The following TTC6 variants were observed in gnomAD, a reference collection of about 807,000 sequenced individuals.
TTC6 encodes the protein tetratricopeptide repeat protein 6.
TTC6 carries 172 observed loss-of-function variants against 210.4 expected under a neutral mutation model. The observed-to-expected ratio is 0.82, with a 90% CI of 0.72 to 0.93. TTC6 has a LOEUF of 0.93. Ranked by LOEUF, TTC6 falls within the 40% of genes least tolerant of loss-of-function variation. The pLI is 0.00. For synonymous variants in TTC6, 804 were observed against 819.6 expected (o/e 0.98, Z 0.32); for missense variants, 2,414 against 2,318.1 (o/e 1.04, Z -0.85).
chr14:37,679,685 T>A (rs931534362), intron 1 of TTC6, among the ~76,000 whole-genome samples: 14 of 151,610 alleles, frequency 9.2e-5, no homozygotes, highest in Non-Finnish European at 1.9e-4. Flanking sequence ...GCAAAAAAAA[T>A]TTATATTTAT....
intron 3 of TTC6, 114 bp downstream of exon 5, chr14:37,683,078 G>C: frequency 1.2e-6 from 1 of 864,834 alleles, no homozygotes; most frequent in Non-Finnish European, 1.8e-6. Context: ...CGGGGGTGAT[G>C]GTGTGTTCAC....
intron 4 of TTC6, among the ~76,000 whole-genome samples, chr14:37,697,932 C>G (rs2095817835): frequency 6.6e-6 from 1 of 151,748 alleles, no homozygotes; most frequent in Non-Finnish European, 1.5e-5. Flanking sequence ...TTTTTTATGT[C>G]TTAGTGTTTC....
chr14:37,827,852 C>T (rs1229802203), intron 29 of TTC6: 1 of 153,158 alleles, frequency 6.5e-6, no homozygotes, highest in African/African-American at 2.4e-5. Context: ...GGGGGCTTGC[C>T]AACCCTCTGT....
At chr14:37,738,216 G>GCTGATT (rs1487309978) in intron 9 of TTC6, among the ~76,000 whole-genome samples, 2 of 150,304 alleles carry the variant, frequency 1.3e-5, no homozygotes, top group Non-Finnish European at 3.0e-5. Context: ...TAAAAATTAA[G>GCTGATT]CTGATTCTCT....
At chr14:37,831,643 T>G (rs1425274020) in intron 29 of TTC6, among the ~76,000 whole-genome samples, 1 of 152,130 alleles carries the variant, frequency 6.6e-6, no homozygotes, top group Non-Finnish European at 1.5e-5. Context: ...AATAGCCATT[T>G]TAACTGAGGT....
chr14:37,658,445 TG>T (rs1161746536), intron 1 of TTC6, among the ~76,000 whole-genome samples: 13 of 152,282 alleles, frequency 8.5e-5, no homozygotes, highest in Non-Finnish European at 1.3e-4. Context: ...GGTGGGGGCC[TG>T]GTGTGGGCAT....
At chr14:37,660,330 C>T (rs2095734753) in intron 1 of TTC6, among the ~76,000 whole-genome samples, 1 of 152,048 alleles carries the variant, frequency 6.6e-6, no homozygotes, top group African/African-American at 2.4e-5. Flanking sequence ...CAACCCATCA[C>T]TTAGGTATTA....
At chr14:37,683,856 A>G (rs1168135893) in intron 3 of TTC6, among the ~76,000 whole-genome samples, 1 of 152,112 alleles carries the variant, frequency 6.6e-6, no homozygotes. Flanking sequence ...TTATTTAAAA[A>G]TAGATATATT....
intron 10 of TTC6, among the ~76,000 whole-genome samples, chr14:37,742,054 C>A (rs1310319967): frequency 6.6e-6 from 1 of 152,106 alleles, no homozygotes; most frequent in Non-Finnish European, 1.5e-5. Flanking sequence ...ACTGCCTTAC[C>A]TCCTATGTGG....
At chr14:37,654,350 T>C (rs28588121) in intron 1 of TTC6, among the ~76,000 whole-genome samples, 8,751 of 152,078 alleles carry the variant, frequency 0.058, 848 homozygotes, top group African/African-American at 0.2. Flanking sequence ...GCCCCATAAA[T>C]ATATACACTT....
intron 1 of TTC6, among the ~76,000 whole-genome samples, chr14:37,629,065 C>T (rs563853752): frequency 1.3e-5 from 2 of 152,200 alleles, no homozygotes; most frequent in South Asian, 2.1e-4. Flanking sequence ...ATTCTTTTTG[C>T]TTAGGATTGT....
At chr14:37,671,091 G>T (rs1265485697) in intron 1 of TTC6, among the ~76,000 whole-genome samples, 3 of 152,140 alleles carry the variant, frequency 2.0e-5, no homozygotes, top group Non-Finnish European at 4.4e-5. Context: ...TAGCCTGTGG[G>T]CTTGTGTCAA....
chr14:37,829,461 T>C (rs1448129275), intron 29 of TTC6, among the ~76,000 whole-genome samples: 3 of 152,034 alleles, frequency 2.0e-5, no homozygotes, highest in African/African-American at 7.2e-5. Context: ...ATACTCTTAG[T>C]TTAGTTTCTC....
In TTC6 at chr14:37,748,928, T is replaced by C. The variant is rs1448549546; in HGVS notation, c.2364-11T>C. On this transcript the variant is annotated splice_polypyrimidine_tract_variant and intron_variant, in intron 10 of 30. Coordinates refer to ENST00000553443, the Ensembl canonical transcript of TTC6. ...TCTGTAATTTAAAAAAATCACTCTT[T>C]TAAAAACTAGATCAGCATCTCATGG... 2 of 1,435,436 alleles carry C rather than the reference T, an allele frequency of 1.4e-6. No individual in the cohort carries two copies. The highest frequency in any genetic ancestry group is 1.8e-6 in the Non-Finnish European group (2 of 1,100,510). 88.9% of individuals were successfully genotyped at this position (1,435,436 alleles called of 1,614,324 possible).
intron 1 of TTC6, among the ~76,000 whole-genome samples, chr14:37,665,410 C>G (rs1396078118): frequency 1.3e-5 from 2 of 150,498 alleles, no homozygotes; most frequent in East Asian, 3.9e-4. Flanking sequence ...GAAAACCAAA[C>G]ACCACATGTT....
chr14:37,809,721 T>C (rs561051019), intron 24 of TTC6, among the ~76,000 whole-genome samples: 9 of 152,206 alleles, frequency 5.9e-5, no homozygotes, highest in African/African-American at 2.2e-4. Flanking sequence ...GCAGCAAACC[T>C]TTTTTTCCAT....
At chr14:37,754,437 C>CT (rs1225609590) in intron 14 of TTC6, among the ~76,000 whole-genome samples, 2,736 of 145,796 alleles carry the variant, frequency 0.019, 83 homozygotes, top group African/African-American at 0.06. Context: ...TTCTTTCTTT[C>CT]TTTTTTTTTT....
intron 14 of TTC6, among the ~76,000 whole-genome samples, chr14:37,776,806 A>G (rs1409221085): frequency 2.1e-5 from 3 of 139,874 alleles, no homozygotes; most frequent in Non-Finnish European, 4.6e-5. Flanking sequence ...AATCACTTAA[A>G]TCTGGGTTGG....
intron 1 of TTC6, among the ~76,000 whole-genome samples, chr14:37,597,004 CA>C (rs1050982469): frequency 2.3e-5 from 3 of 132,994 alleles, no homozygotes; most frequent in Admixed American, 7.3e-5. Context: ...CATTGGATTA[CA>C]TTTTTTTTTT....
Sources: allele counts gnomAD v4.1 joint callset (sites outside exome capture counted in the v4.1 genomes callset), GRCh38; gene constraint gnomAD v4.1.1; transcripts MANE v1.5; gene names NCBI Gene and HGNC (gene_info 2026-07-23, HGNC 2026-07-21).